Variants in RYR2 observed in about 807,000 individuals in gnomAD.
RYR2 encodes the protein ryanodine receptor 2, also known as cardiac muscle ryanodine receptor-calcium release channel.
A neutral mutation model predicts 601.1 loss-of-function variants in RYR2; 227 were observed. The observed-to-expected ratio is 0.38, with a 90% CI of 0.34 to 0.42. The LOEUF (loss-of-function observed/expected upper bound fraction) is 0.42. Ranked by LOEUF, RYR2 falls within the 10% of genes least tolerant of loss-of-function variation. The probability of loss-of-function intolerance (pLI) is 1.00; values close to 1 mark genes in which losing one functional copy is unlikely to be tolerated. For synonymous variants in RYR2, 2,223 were observed against 2,175.1 expected (o/e 1.02, Z -0.61); for missense variants, 4,646 against 6,156.5 (o/e 0.75, Z 8.21).
chr1:237,651,686 T>C (rs1228315075), intron 51 of RYR2, among the ~76,000 whole-genome samples, 185 bp downstream of exon 51: 3 of 152,162 alleles, frequency 2.0e-5, no homozygotes, highest in African/African-American at 7.2e-5. Context: ...TCTATAAGAT[T>C]ATAGAAATCT....
intron 1 of RYR2, among the ~76,000 whole-genome samples, chr1:237,157,345 AAAAGAG>A (rs1299060569): frequency 6.6e-6 from 1 of 151,514 alleles, no homozygotes; most frequent in African/African-American, 2.4e-5. Context: ...AAAGAAAAGA[AAAAGAG>A]AAAGAACTGC....
Position 237,808,906 on chromosome 1 carries a change from A to AT in RYR2, c.14306dup (p.Leu4769PhefsTer27). The AT allele has an allele frequency of 6.2e-7, 1 of 1,613,670 alleles. No homozygotes were observed. Among genetic ancestry groups the AT allele is most frequent in the Non-Finnish European group, 8.5e-7 (1 of 1,179,682 alleles). On this transcript the variant is annotated frameshift_variant, in exon 100 of 105. Coordinates refer to ENST00000366574, the MANE Select transcript of RYR2 (RefSeq NM_001035.3). LOFTEE classifies it high-confidence loss of function. The stretch of plus-strand genomic sequence containing the variant: ...CTTGTCACATTGTTTTCCAGCTCGT[A>AT]TTAACCGTTGGCTTATTAGCTGTTG...
At chr1:237,054,964 T>C (rs920111421) in intron 1 of RYR2, among the ~76,000 whole-genome samples, 1 of 152,070 alleles carries the variant, frequency 6.6e-6, no homozygotes, top group Admixed American at 6.6e-5. Context: ...CTCTAGATGG[T>C]GCCGGGAGCA....
At chr1:237,498,228 T>C (rs1428957096) in intron 20 of RYR2, among the ~76,000 whole-genome samples, 1 of 152,060 alleles carries the variant, frequency 6.6e-6, no homozygotes, top group Non-Finnish European at 1.5e-5. Context: ...TGAAGCTGTG[T>C]TTTGCATATT....
chr1:237,687,732 A>T (rs963621792), intron 63 of RYR2, among the ~76,000 whole-genome samples: 3 of 152,208 alleles, frequency 2.0e-5, no homozygotes, highest in African/African-American at 7.2e-5. Flanking sequence ...AACTGAAAGT[A>T]AAAAGACTAT....
At chr1:237,451,303 G>T (rs1183891463) in intron 14 of RYR2, among the ~76,000 whole-genome samples, 3 of 152,122 alleles carry the variant, frequency 2.0e-5, no homozygotes, top group Admixed American at 1.3e-4. Flanking sequence ...GAGTGTGGTG[G>T]CTCACACCTG....
Position 237,625,735 on chromosome 1 carries a change from G to A in RYR2, c.6097G>A (p.Val2033Ile). 1.2e-6 allele frequency: 2 copies of A among 1,613,806 alleles called. No individual in the cohort carries two copies. Among genetic ancestry groups the A allele is most frequent in the South Asian group, 1.1e-5 (1 of 91,076 alleles). ...LTIRGRLLSLVEKVTYLKKKQ... is the reference protein window; with the variant it reads ...LTIRGRLLSLIEKVTYLKKKQ... ...AATTAGAGGGCGTCTGCTATCCCTGGTAGAAAAGGTGACATATCTGAAGAA... is the reference window on the plus strand; with the variant it reads ...AATTAGAGGGCGTCTGCTATCCCTGATAGAAAAGGTGACATATCTGAAGAA... The change falls in exon 40 of 105, where the codon GTA becomes ATA. Residue 2033 changes from valine (V) to isoleucine (I), a missense_variant. Physicochemically the swap from Val to Ile is conservative, Grantham distance 29. Transcript: ENST00000366574.
chr1:237,058,427 A>T (rs1208428853), intron 1 of RYR2, among the ~76,000 whole-genome samples: 1 of 151,908 alleles, frequency 6.6e-6, no homozygotes, highest in Non-Finnish European at 1.5e-5. Flanking sequence ...GTTGCTTGCA[A>T]AGCACTGTCT....
At chr1:237,624,496 G>A (rs1679433342) in intron 39 of RYR2, among the ~76,000 whole-genome samples, 1 of 152,108 alleles carries the variant, frequency 6.6e-6, no homozygotes, top group Non-Finnish European at 1.5e-5. Context: ...GTACAGTTTT[G>A]TTTATAGTAA....
intron 62 of RYR2, among the ~76,000 whole-genome samples, chr1:237,685,268 A>G (rs1686281523): frequency 6.6e-6 from 1 of 152,216 alleles, no homozygotes; most frequent in Admixed American, 6.5e-5. Flanking sequence ...CCATGCCCTA[A>G]AAGTGGATTG....
At chr1:237,473,833 CTGATAA>C (rs776593996) in intron 17 of RYR2, among the ~76,000 whole-genome samples, 43 of 151,878 alleles carry the variant, frequency 2.8e-4, no homozygotes, top group Non-Finnish European at 5.5e-4. Context: ...GACGGAGATA[CTGATAA>C]TGACAAGCAT....
chr1:237,469,279 A>C lies in RYR2; in HGVS notation c.1708+92A>C, dbSNP rs1331163253. On this transcript the variant is annotated intron_variant, in intron 17 of 104. Coordinates refer to ENST00000366574, the MANE Select transcript of RYR2 (RefSeq NM_001035.3). ...AAGACAAAAAAAAAAAAAAAAAAAA[A>C]CAACTTTGAGTGAGGTGTGGTGGTG... 1.1e-5 allele frequency: 8 copies of C among 704,814 alleles called. No homozygotes were observed. In the East Asian group the frequency reaches 1.3e-4, roughly 11 times the overall value. 43.7% of individuals were successfully genotyped at this position (704,814 alleles called of 1,614,324 possible). A position where few individuals can be genotyped will look rare whatever the true frequency, so the allele number is the denominator to read the frequency against.
rs1702024118 is a variant in RYR2 at position 237,387,309 on chromosome 1, A to G, written c.605A>G (p.His202Arg). The change falls in exon 9 of 105, where the codon CAC (histidine) becomes CGC (arginine). Residue 202 changes from histidine to arginine, a missense_variant. Physicochemically the swap from His to Arg is conservative, Grantham distance 29. Around this residue, in one of 17 missense-constraint regions of RYR2, gnomAD observed 87 missense variants for 144.7 expected, o/e 0.60. Transcript: ENST00000366574. ...TTGTCTTATGGCAACGGCAGCTTACACGTGGATGCCGCTTTCCAGCAGACT... is the reference window on the plus strand; with the variant it reads ...TTGTCTTATGGCAACGGCAGCTTACGCGTGGATGCCGCTTTCCAGCAGACT... ...LHLSYGNGSL[H>R]VDAAFQQTLW... The G allele has an allele frequency of 6.2e-7, 1 of 1,613,892 alleles. No homozygotes were observed. The highest frequency in any genetic ancestry group is 1.1e-5 in the South Asian group (1 of 91,090).
chr1:237,450,949 C>T (rs1343054556), intron 14 of RYR2, among the ~76,000 whole-genome samples: 1 of 151,850 alleles, frequency 6.6e-6, no homozygotes, highest in Non-Finnish European at 1.5e-5. Context: ...TATATTTATC[C>T]TTTAGTTGTA....
chr1:237,396,556 T>G (rs1010129234), intron 10 of RYR2, among the ~76,000 whole-genome samples: 3 of 152,216 alleles, frequency 2.0e-5, no homozygotes, highest in Non-Finnish European at 4.4e-5. Context: ...CAGCCAGCAG[T>G]CCCTGTGTTT....
At chr1:237,332,134 G>A (rs1696806117) in intron 3 of RYR2, among the ~76,000 whole-genome samples, 1 of 151,914 alleles carries the variant, frequency 6.6e-6, no homozygotes, top group African/African-American at 2.4e-5. Flanking sequence ...ACTCTGGTCT[G>A]GATAAATAAA....
At chr1:237,832,134 G>T (rs1663867021) in intron 104 of RYR2, among the ~76,000 whole-genome samples, 1 of 151,872 alleles carries the variant, frequency 6.6e-6, no homozygotes, top group South Asian at 2.1e-4. Flanking sequence ...GACTTCCTGG[G>T]CTCAATAAAT....
intron 3 of RYR2, among the ~76,000 whole-genome samples, 180 bp downstream of exon 3, chr1:237,331,162 T>TA (rs1290538349): frequency 6.6e-6 from 1 of 152,180 alleles, no homozygotes; most frequent in Non-Finnish European, 1.5e-5. Flanking sequence ...TCTTGAAAAC[T>TA]AAAAAAATAT....
intron 23 of RYR2, among the ~76,000 whole-genome samples, chr1:237,508,352 T>G (rs1303947137): frequency 6.6e-6 from 1 of 151,814 alleles, no homozygotes; most frequent in African/African-American, 2.4e-5. Flanking sequence ...ATGCTACAAA[T>G]GTGTAAGTAA....
Sources: allele counts gnomAD v4.1 joint callset (sites outside exome capture counted in the v4.1 genomes callset), GRCh38; gene constraint gnomAD v4.1.1; regional missense constraint gnomAD v4.1.1; transcripts MANE v1.5; gene names NCBI Gene and HGNC (gene_info 2026-07-23, HGNC 2026-07-21).